DAB2IP: variants seen among roughly 807,000 people sequenced by gnomAD.
DAB2IP encodes the protein DAB2 interacting protein.
DAB2IP carries 28 observed loss-of-function variants against 107.2 expected under a neutral mutation model. That is an observed-to-expected ratio of 0.26 (90% confidence interval 0.19 to 0.36). DAB2IP has a LOEUF of 0.36. Ranked by LOEUF, DAB2IP falls within the 10% of genes least tolerant of loss-of-function variation. The pLI is 1.00. For missense variants in DAB2IP, 1,400 were observed against 1,644.7 expected (o/e 0.85, Z 2.57); for synonymous variants, 755 against 706.4 (o/e 1.07, Z -1.09).
chr9:121,759,019 A>G (rs1047347979), intron 5 of DAB2IP, 23 bp downstream of exon 5: 31 of 1,596,358 alleles, frequency 1.9e-5, no homozygotes, highest in African/African-American at 2.7e-5. Context: ...CCCTCTCACC[A>G]AAGCATGGGG....
intron 2 of DAB2IP, among the ~76,000 whole-genome samples, chr9:121,685,620 G>GT (rs1432361170): frequency 2.0e-5 from 3 of 152,256 alleles, no homozygotes; most frequent in Non-Finnish European, 4.4e-5. Context: ...TTGCTGCGGT[G>GT]TGAACGAACT....
chr9:121,766,343 G>C (rs1587985093), intron 8 of DAB2IP, 151 bp from the exon 9 acceptor site: 2 of 698,230 alleles, frequency 2.9e-6, no homozygotes, highest in African/African-American at 1.8e-5. Context: ...GCTCTCCCCA[G>C]ATGGCTGTGT....
intron 1 of DAB2IP, among the ~76,000 whole-genome samples, chr9:121,590,060 TC>T (rs935937239): frequency 1.3e-4 from 19 of 151,358 alleles, no homozygotes; most frequent in Non-Finnish European, 2.6e-4. Context: ...CAGGGATGTG[TC>T]CCCTCAGAAC....
At chr9:121,593,641 CTTTTTCTTT>C (rs1258944737) in intron 1 of DAB2IP, among the ~76,000 whole-genome samples, 2 of 147,304 alleles carry the variant, frequency 1.4e-5, no homozygotes, top group Non-Finnish European at 3.0e-5. Flanking sequence ...ATTTTATTTT[CTTTTTCTTT>C]TTTTTCTTTT....
In DAB2IP at chr9:121,687,517, A is replaced by G. The variant is rs185844590; in HGVS notation, c.228+8736A>G. 9.8e-4 allele frequency among the ~76,000 whole-genome samples: 149 copies of G among 152,300 alleles called. 1 individual carries two copies. The highest frequency in any genetic ancestry group is 3.5e-3 in the African/African-American group (145 of 41,564). On this transcript the variant is annotated intron_variant, in intron 2 of 15. Transcript: ENST00000408936. ...ACCTACCACTGCTTTGAGAGGGGGT[A>G]AGGCGGGCATTGTGGGAGAGGCAGG... is the stretch of plus-strand genomic sequence containing the variant.
chr9:121,764,005 C>G (rs1834083200), intron 8 of DAB2IP, 126 bp downstream of exon 8: 2 of 1,349,952 alleles, frequency 1.5e-6, no homozygotes, highest in African/African-American at 2.9e-5. Context: ...GTCCCCTGGC[C>G]TAGTCCCTTT....
Position 121,776,514 on chromosome 9 carries a change from A to G in DAB2IP, c.3314+123A>G, listed in dbSNP as rs963900720. ...AAGCTGAATGTGGAGAGAGGAGGGA[A>G]GAGAGTGTCTGGGCAGTGGGAGCAG... is the stretch of plus-strand genomic sequence containing the variant. On this transcript the variant is annotated intron_variant, in intron 14 of 15. Transcript: ENST00000408936. This position sits in a 1 kb window ranked among gnomAD's most constrained non-coding sequence, Gnocchi z 5.4. 2 of 1,172,698 alleles carry G rather than the reference A, an allele frequency of 1.7e-6. No homozygotes were observed. The allele number at this position is 1,172,698 out of a possible 1,614,324, so 72.6% of individuals were successfully genotyped here.
Position 121,782,653 on chromosome 9 carries a change from A to G in DAB2IP, c.*155A>G, listed in dbSNP as rs1835746742. 1 of 1,457,520 alleles carries G rather than the reference A, an allele frequency of 6.9e-7. No individual in the cohort carries two copies. Among genetic ancestry groups the G allele is most frequent in the Admixed American group, 2.6e-5 (1 of 38,314 alleles). The allele number at this position is 1,457,520 out of a possible 1,614,324, so 90.3% of individuals were successfully genotyped here. ...CTGCCGCTGTCCAGGAGGCGGCCGC[A>G]GAGGGAGCCACCAGAGACTGAAGCA... On this transcript the variant is annotated 3_prime_UTR_variant, in exon 16 of 16. Coordinates refer to ENST00000408936, the Ensembl canonical transcript of DAB2IP. The surrounding 1 kb of genome is among the most constrained non-coding windows in gnomAD (Gnocchi z 6.1).
chr9:121,626,982 C>T (rs1295622694), intron 1 of DAB2IP, among the ~76,000 whole-genome samples: 1 of 151,726 alleles, frequency 6.6e-6, no homozygotes, highest in East Asian at 1.9e-4. Flanking sequence ...CACACAAGCA[C>T]AGCCTCCCCC....
chr9:121,616,436 C>G (rs1285252501), intron 1 of DAB2IP, among the ~76,000 whole-genome samples: 2 of 152,116 alleles, frequency 1.3e-5, no homozygotes, highest in Non-Finnish European at 2.9e-5. Flanking sequence ...CTGAACGTTT[C>G]TTAGGGGAAG....
intron 10 of DAB2IP, among the ~76,000 whole-genome samples, chr9:121,769,903 C>G (rs1554746613): frequency 1.3e-5 from 2 of 152,250 alleles, no homozygotes; most frequent in Non-Finnish European, 2.9e-5. Context: ...ATTGCGTGCT[C>G]TATTGCCTGC....
Position 121,695,547 on chromosome 9 carries a change from C to T in DAB2IP, c.229-3778C>T, listed in dbSNP as rs535342499. Among the ~76,000 whole-genome samples the T allele has an allele frequency of 1.1e-4, 17 of 152,268 alleles. 1 individual carries two copies. The highest frequency in any genetic ancestry group is 4.6e-4 in the Admixed American group (7 of 15,298). On this transcript the variant is annotated intron_variant, in intron 2 of 15. Transcript: ENST00000408936. ...GTCTGAATGAAGATTTGAGGCCAAG[C>T]GATGTGAGGGGGCTAGAGCTGCCCA...
chr9:121,725,020 C>T (rs956049821), intron 3 of DAB2IP, among the ~76,000 whole-genome samples: 3 of 152,162 alleles, frequency 2.0e-5, no homozygotes, highest in Admixed American at 1.3e-4. Context: ...AGAGCACCCC[C>T]GGCACCAGCC....
At chr9:121,715,942 G>T (rs1239908912) in intron 3 of DAB2IP, among the ~76,000 whole-genome samples, 1 of 152,206 alleles carries the variant, frequency 6.6e-6, no homozygotes, top group Non-Finnish European at 1.5e-5. Context: ...CATTTCCTGT[G>T]GGCATTATGA....
chr9:121,672,994 C>T (rs1369936268), intron 1 of DAB2IP, among the ~76,000 whole-genome samples: 2 of 152,226 alleles, frequency 1.3e-5, no homozygotes, highest in Non-Finnish European at 2.9e-5. Context: ...GCTGAATCCC[C>T]AGGGTCCAGA....
chr9:121,618,313 CA>C (rs1831349037), intron 1 of DAB2IP, among the ~76,000 whole-genome samples: 1 of 152,010 alleles, frequency 6.6e-6, no homozygotes, highest in Non-Finnish European at 1.5e-5. Context: ...GCAAAAACAA[CA>C]AAAGCCTCAT....
upstream of DAB2IP, among the ~76,000 whole-genome samples, chr9:121,648,014 C>T (rs572916648): frequency 6.6e-6 from 1 of 152,100 alleles, no homozygotes; most frequent in Non-Finnish European, 1.5e-5. Flanking sequence ...GAAAACCAAA[C>T]ATCATATATT....
At position 121,702,137 on chromosome 9, in the gene DAB2IP, T is replaced by C. The variant is rs1829819575; in HGVS notation, c.362+2679T>C. Among the ~76,000 whole-genome samples, 1 of 152,200 alleles carries C rather than the reference T, an allele frequency of 6.6e-6. No individual in the cohort carries two copies. The highest frequency in any genetic ancestry group is 1.5e-5 in the Non-Finnish European group (1 of 68,032). Reference sequence around the variant, plus strand: ...TTTGGATGAATCTATCTGGTTTATATGGCTGCTGAAGAGGCTTTGTTGAAT... The same window carrying C: ...TTTGGATGAATCTATCTGGTTTATACGGCTGCTGAAGAGGCTTTGTTGAAT... On this transcript the variant is annotated intron_variant, in intron 3 of 15. Coordinates refer to ENST00000408936, the Ensembl canonical transcript of DAB2IP. The surrounding 1 kb of genome is among the most constrained non-coding windows in gnomAD (Gnocchi z 4.5).
intron 3 of DAB2IP, among the ~76,000 whole-genome samples, chr9:121,734,213 T>C (rs1831726614): frequency 6.7e-6 from 1 of 149,238 alleles, no homozygotes; most frequent in Non-Finnish European, 1.5e-5. Flanking sequence ...CCGTCTCTAC[T>C]AAAAATACAA....
Sources: allele counts gnomAD v4.1 joint callset (sites outside exome capture counted in the v4.1 genomes callset), GRCh38; gene constraint gnomAD v4.1.1; non-coding constraint Gnocchi (gnomAD v3.1); transcripts MANE v1.5; gene names NCBI Gene and HGNC (gene_info 2026-07-23, HGNC 2026-07-21).